The following PALM2AKAP2 variants were observed in gnomAD, a reference collection of about 807,000 sequenced individuals.
The protein encoded by PALM2AKAP2 is PALM2-AKAP2 fusion protein.
A neutral mutation model predicts 71.5 loss-of-function variants in PALM2AKAP2; 37 were observed. The observed-to-expected ratio is 0.52, with a 90% CI of 0.40 to 0.68. The LOEUF is 0.68. PALM2AKAP2 is among the 30% of genes least tolerant of loss of function. The probability of loss-of-function intolerance (pLI) is 0.00; values close to 1 mark genes in which losing one functional copy is unlikely to be tolerated. For missense variants in PALM2AKAP2, 1,224 were observed against 1,191.8 expected, an observed-to-expected ratio of 1.03 and a Z score of -0.40; for synonymous variants, 468 against 478.8, an observed-to-expected ratio of 0.98 and a Z score of 0.29.
In PALM2AKAP2 at chr9:110,138,149, G is replaced by C. The variant is rs1336498201; in HGVS notation, c.2179G>C (p.Asp727His). 2 of 1,613,944 alleles carry C rather than the reference G, an allele frequency of 1.2e-6. No homozygotes were observed. The highest frequency in any genetic ancestry group is 1.3e-5 in the African/African-American group (1 of 75,026). Residue 727 changes from aspartate (D) to histidine (H), a missense_variant, in exon 2 of 4, where the codon GAT becomes CAT. Coordinates refer to ENST00000374525, the Ensembl canonical transcript of PALM2AKAP2. ...GTCTTCTCCTGTTCAAGAGAAAAGG[G>C]ATGTATTACCAAAGATTCTGCCTGC...
At chr9:110,090,180 C>G (rs1430291377) in intron 1 of PALM2AKAP2, 1 of 329,626 alleles carries the variant, frequency 3.0e-6, no homozygotes, top group African/African-American at 2.2e-5. Flanking sequence ...TGTGTGCTTC[C>G]TGGGGCAGCG....
chr9:110,078,219 C>A (rs1834367040), intron 1 of PALM2AKAP2, among the ~76,000 whole-genome samples: 1 of 152,124 alleles, frequency 6.6e-6, no homozygotes, highest in Admixed American at 6.6e-5. Flanking sequence ...TCTTTATCAA[C>A]CCCTGATTTA....
chr9:109,662,619 TA>T (rs1383921481), intron 1 of PALM2AKAP2, among the ~76,000 whole-genome samples: 1 of 139,826 alleles, frequency 7.2e-6, no homozygotes, highest in Non-Finnish European at 1.5e-5. Context: ...GATATTGGTC[TA>T]AAATTCTCTT....
intron 3 of PALM2AKAP2, among the ~76,000 whole-genome samples, chr9:110,165,007 G>GT (rs1220283519): frequency 6.6e-6 from 1 of 152,078 alleles, no homozygotes; most frequent in Admixed American, 6.5e-5. Flanking sequence ...TCAAATCTTG[G>GT]TTTTGCCTTC....
chr9:110,002,079 C>G (rs965735854), intron 6 of PALM2AKAP2, among the ~76,000 whole-genome samples: 2 of 152,196 alleles, frequency 1.3e-5, no homozygotes, highest in Non-Finnish European at 2.9e-5. Context: ...GAGAGGGCAT[C>G]CCTGTCTTGT....
chr9:109,971,283 CTTTTTTTTTTTTTTTTTTTTT>C lies in PALM2AKAP2; in HGVS notation c.496+39266_496+39286del, dbSNP rs11392589. ...TCCATGTTTATCCCACTCTTAGTCC[CTTTTTTTTTTTTTTTTTTTTT>C]TTTTTTTTTTACAGAGAAAAGGGGT... On this transcript the variant is annotated intron_variant, in intron 6 of 9. Transcript: ENST00000302798. 1.3e-3 allele frequency among the ~76,000 whole-genome samples: 59 copies of C among 45,684 alleles called. 1 individual carries two copies. The highest frequency in any genetic ancestry group is 7.1e-3 in the African/African-American group (57 of 8,062). The allele number at this position is 45,684 out of a possible 152,430, so 30.0% of individuals were successfully genotyped here. A position where few individuals can be genotyped will look rare whatever the true frequency, so the allele number is the denominator to read the frequency against.
chr9:109,918,631 C>T (rs1223417215), intron 3 of PALM2AKAP2, among the ~76,000 whole-genome samples: 5 of 152,212 alleles, frequency 3.3e-5, no homozygotes, highest in South Asian at 2.1e-4. Context: ...AAAACAGTGG[C>T]GTCTGCAGCC....
At chr9:110,118,495 G>A (rs751672790) in intron 1 of PALM2AKAP2, among the ~76,000 whole-genome samples, 2 of 152,010 alleles carry the variant, frequency 1.3e-5, no homozygotes, top group Non-Finnish European at 2.9e-5. Context: ...TGATCTGCTC[G>A]CCTCGGCCTC....
rs142166796 is a variant in PALM2AKAP2, at chr9:109,660,471, T to A, written c.5+19605T>A. Among the ~76,000 whole-genome samples, 14 of 152,248 alleles carry A rather than the reference T, an allele frequency of 9.2e-5. No individual in the cohort carries two copies. In the East Asian group the frequency reaches 2.7e-3, roughly 30 times the overall value. On this transcript the variant is annotated intron_variant, in intron 1 of 6. Transcript: ENST00000374531. ...GTTTGGTTTTCTGTCCTTGTGATAG[T>A]TTGCTGAGAATGATGCTTTCCAGCT...
At chr9:109,738,198 C>G (rs1324670166) in intron 1 of PALM2AKAP2, among the ~76,000 whole-genome samples, 5 of 152,184 alleles carry the variant, frequency 3.3e-5, no homozygotes, top group African/African-American at 9.7e-5. Flanking sequence ...TACTATTCCT[C>G]TATTAAAGAT....
At chr9:110,063,736 G>A (rs1429411465) in intron 1 of PALM2AKAP2, among the ~76,000 whole-genome samples, 3 of 152,200 alleles carry the variant, frequency 2.0e-5, no homozygotes, top group South Asian at 2.1e-4. Context: ...GAGCCACCAC[G>A]CTTGGCTCAA....
At chr9:109,887,427 C>A (rs1829991180) in intron 3 of PALM2AKAP2, among the ~76,000 whole-genome samples, 1 of 152,168 alleles carries the variant, frequency 6.6e-6, no homozygotes, top group Non-Finnish European at 1.5e-5. Flanking sequence ...ATTTGCAGCC[C>A]AATTATTGTT....
At chr9:109,646,667 G>A (rs1451717924) in intron 1 of PALM2AKAP2, among the ~76,000 whole-genome samples, 2 of 152,208 alleles carry the variant, frequency 1.3e-5, no homozygotes, top group Non-Finnish European at 2.9e-5. Context: ...AACTCATTTA[G>A]TTAGCAAATA....
chr9:109,858,480 C>G (rs1829227087), intron 1 of PALM2AKAP2, among the ~76,000 whole-genome samples: 1 of 152,128 alleles, frequency 6.6e-6, no homozygotes, highest in South Asian at 2.1e-4. Context: ...ATTTCACAGG[C>G]TGGGGATCCA....
chr9:110,096,986 G>A (rs1343022621), intron 1 of PALM2AKAP2, among the ~76,000 whole-genome samples: 1 of 146,962 alleles, frequency 6.8e-6, no homozygotes, highest in South Asian at 2.2e-4. Context: ...ATCATTCTTG[G>A]GTGTTTCTCG....
chr9:109,662,874 G>T (rs1384311748), intron 1 of PALM2AKAP2, among the ~76,000 whole-genome samples: 1 of 152,050 alleles, frequency 6.6e-6, no homozygotes, highest in Admixed American at 6.6e-5. Flanking sequence ...CAAAGATTCA[G>T]CTTCTTCCTG....
At chr9:110,095,467 G>A (rs1233872424) in intron 1 of PALM2AKAP2, among the ~76,000 whole-genome samples, 1 of 152,076 alleles carries the variant, frequency 6.6e-6, no homozygotes, top group African/African-American at 2.4e-5. Context: ...TTGGTTGGTG[G>A]TAATGCCTTA....
Position 109,657,937 on chromosome 9 carries a change from T to TG in PALM2AKAP2, c.5+17071_5+17072insG, listed in dbSNP as rs1364797096. Among the ~76,000 whole-genome samples, 80 of 130,304 alleles carry TG rather than the reference T, an allele frequency of 6.1e-4. 1 individual carries two copies. The highest frequency in any genetic ancestry group is 4.0e-3 in the Middle Eastern group (1 of 252). 85.5% of individuals were successfully genotyped at this position (130,304 alleles called of 152,430 possible). On this transcript the variant is annotated intron_variant, in intron 1 of 6. Transcript: ENST00000374531. Reference sequence around the variant, plus strand: ...GATTGAGCTCACAGATTTGTGTGTGTTTGTGTGTGTGTGTGTGTGTGTGTG... The same window carrying TG: ...GATTGAGCTCACAGATTTGTGTGTGTGTTGTGTGTGTGTGTGTGTGTGTGTG...
exon 4 of PALM2AKAP2, chr9:110,171,858 T>G (rs1452194862): frequency 6.6e-6 from 1 of 152,652 alleles, no homozygotes; most frequent in African/African-American, 2.4e-5. Flanking sequence ...CAGAGCTGAT[T>G]AACTACTGAC....
Sources: gnomAD v4.1 joint callset for allele counts (sites outside exome capture counted in the v4.1 genomes callset) on GRCh38, gnomAD v4.1.1 for gene constraint, MANE v1.5 for transcripts, NCBI Gene and HGNC (gene_info 2026-07-23, HGNC 2026-07-21) for gene names.